Variants in WWOX observed in about 807,000 individuals in gnomAD.
WWOX encodes WW domain-containing oxidoreductase.
In WWOX, 69 loss-of-function variants were observed where a neutral mutation model predicts 46.2. The ratio of observed to expected loss-of-function variants is 1.49; its 90% CI spans 1.23 to 1.82. The LOEUF is 1.82. Among genes scored for constraint, WWOX ranks in the 40% most tolerant of loss-of-function variants. The pLI is 0.00. For missense variants in WWOX, 919 were observed against 542.6 expected (o/e 1.69, Z -6.89); for synonymous variants, 359 against 202.6 (o/e 1.77, Z -6.56).
At chr16:78,328,874 T>C (rs928402882) in intron 5 of WWOX, among the ~76,000 whole-genome samples, 3 of 151,624 alleles carry the variant, frequency 2.0e-5, no homozygotes, top group African/African-American at 4.9e-5. Flanking sequence ...CTTCTCTTCT[T>C]TTCTTTTCTA....
chr16:78,874,261 A>C (rs1398598893), intron 8 of WWOX, among the ~76,000 whole-genome samples: 1 of 151,604 alleles, frequency 6.6e-6, no homozygotes. Context: ...GTCTCAAAAA[A>C]AAAAAAAAAA....
chr16:78,872,282 A>T (rs918757503), intron 8 of WWOX, among the ~76,000 whole-genome samples: 5 of 152,214 alleles, frequency 3.3e-5, no homozygotes, highest in African/African-American at 1.2e-4. Context: ...TCCAAGTCTC[A>T]GTTTTCTCAT....
chr16:78,964,428 C>T (rs1567443101), intron 8 of WWOX, among the ~76,000 whole-genome samples: 1 of 152,208 alleles, frequency 6.6e-6, no homozygotes, highest in Non-Finnish European at 1.5e-5. Flanking sequence ...CATTTTGCCC[C>T]TGCGCTAGAG....
Position 78,342,009 on chromosome 16 carries a change from C to T in WWOX, c.517-44851C>T, listed in dbSNP as rs4392084. ...TGCTCACCTATAGTACCAGGTACTT[C>T]GGAGGCTGAGGCAGCAGAATGGCTT... On this transcript the variant is annotated intron_variant, in intron 5 of 8. Transcript: ENST00000566780. Among the ~76,000 whole-genome samples the T allele has an allele frequency of 3.0e-3, 361 of 118,746 alleles. 82 individuals are homozygous for T. Among genetic ancestry groups the T allele is most frequent in the African/African-American group, 8.7e-3 (302 of 34,786 alleles). The allele number at this position is 118,746 out of a possible 152,430, so 77.9% of individuals were successfully genotyped here.
At chr16:79,013,893 T>C (rs2047361931) in intron 8 of WWOX, among the ~76,000 whole-genome samples, 1 of 152,188 alleles carries the variant, frequency 6.6e-6, no homozygotes, top group Non-Finnish European at 1.5e-5. Flanking sequence ...ATATTTTTCA[T>C]TTGGTTTCCG....
intron 5 of WWOX, among the ~76,000 whole-genome samples, chr16:78,360,831 T>G (rs1754253437): frequency 6.6e-6 from 1 of 151,982 alleles, no homozygotes. Context: ...TTAGTGCTTT[T>G]TTTTTTTGAG....
chr16:78,959,828 G>C (rs1191372129), intron 8 of WWOX, among the ~76,000 whole-genome samples: 2 of 152,050 alleles, frequency 1.3e-5, no homozygotes, highest in Admixed American at 6.6e-5. Flanking sequence ...AATCATACGG[G>C]GAACTATAAA....
At chr16:79,073,061 ATCT>A (rs2048581283) in intron 8 of WWOX, among the ~76,000 whole-genome samples, 1 of 152,080 alleles carries the variant, frequency 6.6e-6, no homozygotes, top group Non-Finnish European at 1.5e-5. Context: ...GAGTTGCAGA[ATCT>A]GTGTATTCAT....
intron 5 of WWOX, among the ~76,000 whole-genome samples, chr16:78,309,570 A>G (rs369440839): frequency 1.5e-4 from 23 of 152,098 alleles, no homozygotes; most frequent in African/African-American, 5.6e-4. Context: ...TTTTTCCCCT[A>G]AAGTGTATAA....
intron 5 of WWOX, among the ~76,000 whole-genome samples, chr16:78,314,823 A>G (rs1054329919): frequency 2.0e-5 from 3 of 148,656 alleles, no homozygotes; most frequent in East Asian, 4.0e-4. Context: ...AAGTGCTGGG[A>G]TTACAGGCAT....
chr16:78,659,650 T>G (rs1292951946), intron 8 of WWOX, among the ~76,000 whole-genome samples: 2 of 152,116 alleles, frequency 1.3e-5, no homozygotes, highest in Non-Finnish European at 2.9e-5. Context: ...TCGGAGCGAG[T>G]TCAGGAGAGT....
chr16:78,332,870 G>T (rs566749898), intron 5 of WWOX, among the ~76,000 whole-genome samples: 58 of 152,148 alleles, frequency 3.8e-4, no homozygotes, highest in African/African-American at 1.4e-3. Context: ...ATGTCGCACA[G>T]TTCAGTGTAA....
intron 8 of WWOX, among the ~76,000 whole-genome samples, chr16:78,754,224 T>C (rs1052434846): frequency 6.6e-6 from 1 of 152,124 alleles, no homozygotes; most frequent in African/African-American, 2.4e-5. Flanking sequence ...GACTTTAGGA[T>C]GCCTCACTTC....
At chr16:78,781,565 T>G (rs2050325372) in intron 8 of WWOX, among the ~76,000 whole-genome samples, 1 of 152,206 alleles carries the variant, frequency 6.6e-6, no homozygotes, top group African/African-American at 2.4e-5. Context: ...GCTTCCTATT[T>G]AAAACATGTT....
chr16:79,056,477 G>C (rs1310199398), intron 8 of WWOX, among the ~76,000 whole-genome samples: 1 of 152,160 alleles, frequency 6.6e-6, no homozygotes, highest in African/African-American at 2.4e-5. Context: ...TGGGACAAAG[G>C]CATTATAAGC....
chr16:78,847,895 T>C (rs564825255), intron 8 of WWOX, among the ~76,000 whole-genome samples: 5 of 152,206 alleles, frequency 3.3e-5, no homozygotes, highest in Admixed American at 6.5e-5. Flanking sequence ...GGTCAGATAC[T>C]GGGACTTTCT....
intron 8 of WWOX, among the ~76,000 whole-genome samples, chr16:78,643,506 T>A (rs999827907): frequency 1.3e-5 from 2 of 152,126 alleles, no homozygotes; most frequent in African/African-American, 4.8e-5. Flanking sequence ...CATGTCCAGC[T>A]TTAAACCTGT....
chr16:78,310,761 G>T (rs2080225772), intron 5 of WWOX, among the ~76,000 whole-genome samples: 1 of 152,214 alleles, frequency 6.6e-6, no homozygotes. Flanking sequence ...ACCTTTGCTT[G>T]CTCTCACAGC....
At chr16:78,612,159 T>G (rs996096470) in intron 8 of WWOX, among the ~76,000 whole-genome samples, 2 of 152,156 alleles carry the variant, frequency 1.3e-5, no homozygotes, top group Non-Finnish European at 2.9e-5. Context: ...TACAGCACAG[T>G]GAGGAGGTAT....
Sources: gnomAD v4.1 joint callset for allele counts (sites outside exome capture counted in the v4.1 genomes callset) on GRCh38, gnomAD v4.1.1 for gene constraint, MANE v1.5 for transcripts, NCBI Gene and HGNC (gene_info 2026-07-23, HGNC 2026-07-21) for gene names.